Variants in PAN3 observed in about 807,000 individuals in gnomAD.
PAN3 encodes poly(A) specific ribonuclease subunit PAN3, also known as PAN2-PAN3 deadenylation complex subunit PAN3.
A neutral mutation model predicts 96.2 loss-of-function variants in PAN3; 19 were observed. That is an observed-to-expected ratio of 0.20 (90% CI 0.14 to 0.29). The LOEUF (loss-of-function observed/expected upper bound fraction) is 0.29, where lower values mean the gene tolerates loss of function less well. Among genes scored for constraint, PAN3 ranks in the 10% least tolerant of loss-of-function variants. The probability of loss-of-function intolerance (pLI) is 1.00; values close to 1 mark genes in which losing one functional copy is unlikely to be tolerated. For synonymous variants in PAN3, 433 were observed against 406.6 expected, an observed-to-expected ratio of 1.06 and a Z score of -0.78; for missense variants, 882 against 1,108.1, an observed-to-expected ratio of 0.80 and a Z score of 2.90.
rs537580071 is a variant in PAN3 at position 28,292,749 on chromosome 13, A to T, written c.*227A>T. On this transcript the variant is annotated 3_prime_UTR_variant, in exon 19 of 19. Transcript: ENST00000380958. ...CTGTTATCTGTGAAGAATTTATTTTAGATTTAGGAGCACCATCAGGTGAAT... is the reference window on the plus strand; with the variant it reads ...CTGTTATCTGTGAAGAATTTATTTTTGATTTAGGAGCACCATCAGGTGAAT... 48 of 348,448 alleles carry T rather than the reference A, an allele frequency of 1.4e-4. No individual in the cohort carries two copies. The highest frequency in any genetic ancestry group is 7.8e-4 in the Middle Eastern group (1 of 1,290). 21.6% of individuals were successfully genotyped at this position (348,448 alleles called of 1,614,324 possible).
intron 5 of PAN3, among the ~76,000 whole-genome samples, chr13:28,206,023 T>C (rs1484866155): frequency 6.6e-6 from 1 of 152,134 alleles, no homozygotes; most frequent in Non-Finnish European, 1.5e-5. Flanking sequence ...CCTTCATGTG[T>C]CTCTTCAATA....
chr13:28,144,372 G>T (rs868261425), intron 1 of PAN3, among the ~76,000 whole-genome samples: 6 of 151,786 alleles, frequency 4.0e-5, no homozygotes, highest in South Asian at 2.1e-4. Context: ...CCGCCACCAC[G>T]CCCAGATAAT....
intron 14 of PAN3, among the ~76,000 whole-genome samples, chr13:28,272,616 C>T (rs951118034): frequency 6.6e-6 from 1 of 150,634 alleles, no homozygotes; most frequent in Non-Finnish European, 1.5e-5. Flanking sequence ...GTTGCCCAGA[C>T]TGGAGTGCAA....
intron 1 of PAN3, among the ~76,000 whole-genome samples, chr13:28,170,615 G>A (rs998997402): frequency 2.6e-5 from 4 of 152,084 alleles, no homozygotes; most frequent in African/African-American, 9.7e-5. Flanking sequence ...CTCTAGAATT[G>A]TACTCTATTT....
chr13:28,191,469 T>C (rs1877249231), intron 4 of PAN3, among the ~76,000 whole-genome samples: 1 of 152,188 alleles, frequency 6.6e-6, no homozygotes, highest in Non-Finnish European at 1.5e-5. Flanking sequence ...GGGTACTTGG[T>C]GCTTAGTGGT....
intron 1 of PAN3, among the ~76,000 whole-genome samples, chr13:28,153,105 TAGTA>T (rs1244741835): frequency 3.9e-5 from 6 of 152,162 alleles, no homozygotes; most frequent in East Asian, 1.9e-4. Flanking sequence ...AAATTCCCGT[TAGTA>T]AGGGTGTTAT....
intron 6 of PAN3, among the ~76,000 whole-genome samples, chr13:28,255,076 A>G (rs755440094): frequency 6.6e-6 from 1 of 152,188 alleles, no homozygotes; most frequent in African/African-American, 2.4e-5. Flanking sequence ...TTGGTATCTT[A>G]TGAATTATTA....
chr13:28,138,841 G>A lies in PAN3; in HGVS notation c.184G>A (p.Glu62Lys). The A allele has an allele frequency of 1.4e-6, 2 of 1,424,150 alleles. No homozygotes were observed. Among genetic ancestry groups the A allele is most frequent in the Non-Finnish European group, 9.1e-7 (1 of 1,093,826 alleles). 88.2% of individuals were successfully genotyped at this position (1,424,150 alleles called of 1,614,324 possible). The change falls in exon 1 of 19, where the codon GAG (glutamate) becomes AAG (lysine). Residue 62 changes from glutamate (E) to lysine (K), a missense_variant. By Grantham distance (56) the Glu-to-Lys change is moderately conservative (BLOSUM62 1). This residue lies in a region of PAN3 where 442 missense variants were observed against 422.8 expected (regional missense o/e 1.05). Coordinates refer to ENST00000380958, the MANE Select transcript of PAN3 (RefSeq NM_175854.8). ...YAKDKTCFYG[E>K]ECQFLHEDPA... ...TAAGGATAAGACTTGCTTCTACGGG[G>A]AGGAGTGTCAGTTCCTGCATGAGGA...
At position 28,256,284 on chromosome 13, in the gene PAN3, T is replaced by A; in HGVS notation, c.1001-8T>A. 3 of 1,607,352 alleles carry A rather than the reference T, an allele frequency of 1.9e-6. No individual in the cohort carries two copies. The highest frequency in any genetic ancestry group is 2.5e-6 in the Non-Finnish European group (3 of 1,176,554). On this transcript the variant is annotated splice_polypyrimidine_tract_variant and splice_region_variant and intron_variant, in intron 6 of 18. Transcript: ENST00000380958. Reference sequence around the variant, plus strand: ...CTCCATTAAGAAACATTTTTACATCTTCTTCAGGAATGTCGTTGTCTGCTG... The same window carrying A: ...CTCCATTAAGAAACATTTTTACATCATCTTCAGGAATGTCGTTGTCTGCTG...
At chr13:28,141,657 G>A (rs1869859176) in intron 1 of PAN3, among the ~76,000 whole-genome samples, 2 of 151,704 alleles carry the variant, frequency 1.3e-5, no homozygotes, top group Admixed American at 1.3e-4. Context: ...AGTAGACACG[G>A]GGTTTCTCCA....
rs1340518207 is a variant in PAN3, at chr13:28,275,772, G to A, written c.2050-1465G>A. ...GCCAGCTTCCCTCCTGCCATTCTGG[G>A]CTCCTGACTCTATCACCAGTGAAGT... On this transcript the variant is annotated intron_variant, in intron 14 of 18. Coordinates refer to ENST00000380958, the MANE Select transcript of PAN3 (RefSeq NM_175854.8). Among the ~76,000 whole-genome samples, 6 of 152,164 alleles carry A rather than the reference G, an allele frequency of 3.9e-5. No homozygotes were observed. The East Asian group carries it at 1.2e-3, about 29-fold the overall frequency.
At chr13:28,234,163 C>A (rs537498423) in intron 6 of PAN3, among the ~76,000 whole-genome samples, 30 of 152,222 alleles carry the variant, frequency 2.0e-4, no homozygotes, top group African/African-American at 7.0e-4. Context: ...GAACAGGCTT[C>A]CCCCTTCCTC....
Position 28,138,869 on chromosome 13 carries a change from C to A in PAN3, c.212C>A (p.Pro71His). The A allele has an allele frequency of 7.0e-7, 1 of 1,423,750 alleles. No homozygotes were observed. Among genetic ancestry groups the A allele is most frequent in the Non-Finnish European group, 9.1e-7 (1 of 1,093,078 alleles). 88.2% of individuals were successfully genotyped at this position (1,423,750 alleles called of 1,614,324 possible). Residue 71 changes from proline to histidine, a missense_variant, in exon 1 of 19, where the codon CCT becomes CAT. Around this residue, in one of 3 missense-constraint regions of PAN3, gnomAD observed 442 missense variants for 422.8 expected, o/e 1.05. Transcript: ENST00000380958. Reference sequence around the variant, plus strand: ...GAGTGTCAGTTCCTGCATGAGGACCCTGCCGCCGGGGCTGCCCCGGGCCTC... The same window carrying A: ...GAGTGTCAGTTCCTGCATGAGGACCATGCCGCCGGGGCTGCCCCGGGCCTC... The part of the protein sequence containing the change: ...GEECQFLHED[P>H]AAGAAPGLGL...
intron 5 of PAN3, among the ~76,000 whole-genome samples, chr13:28,202,644 A>AAT (rs1176271916): frequency 6.6e-6 from 1 of 150,818 alleles, no homozygotes; most frequent in Non-Finnish European, 1.5e-5. Context: ...GGCAGGATAG[A>AAT]ATATATATAT....
At chr13:28,280,073 A>G (rs188634101) in intron 15 of PAN3, among the ~76,000 whole-genome samples, 1 of 152,230 alleles carries the variant, frequency 6.6e-6, no homozygotes, top group Admixed American at 6.5e-5. Context: ...AGTGTGAACC[A>G]CTGCACCTGG....
intron 6 of PAN3, among the ~76,000 whole-genome samples, chr13:28,235,924 G>A (rs1195035177): frequency 6.6e-6 from 1 of 150,888 alleles, no homozygotes; most frequent in African/African-American, 2.4e-5. Context: ...GGTTGCTACA[G>A]GCTGGTGAAA....
At chr13:28,139,766 C>T (rs1431091886) in intron 1 of PAN3, among the ~76,000 whole-genome samples, 2 of 152,038 alleles carry the variant, frequency 1.3e-5, no homozygotes, top group Non-Finnish European at 2.9e-5. Flanking sequence ...CTGAGTTTCC[C>T]TGAAAGCTAG....
intron 9 of PAN3, among the ~76,000 whole-genome samples, chr13:28,261,832 CAAAAAAAAAAA>C (rs10636889): frequency 8.9e-6 from 1 of 112,716 alleles, no homozygotes; most frequent in African/African-American, 3.7e-5. Flanking sequence ...GACCCTGTCT[CAAAAAAAAAAA>C]AAAAAAAAGG....
In PAN3 at chr13:28,177,770, A is replaced by G. The variant is rs45494994; in HGVS notation, c.620-95A>G. ...AGGTACTAAGTTTAATTATTGTGTC[A>G]TTTGATTTTTATAGGCATTGTCAAA... On this transcript the variant is annotated intron_variant, in intron 3 of 18. Transcript: ENST00000380958. 2.4e-3 allele frequency: 2,335 copies of G among 969,494 alleles called. 30 individuals carry two copies. In the African/African-American group the frequency reaches 0.034, roughly 14 times the overall value. 60.1% of individuals were successfully genotyped at this position (969,494 alleles called of 1,614,324 possible).
Sources: allele counts gnomAD v4.1 joint callset (sites outside exome capture counted in the v4.1 genomes callset), GRCh38; gene constraint gnomAD v4.1.1; regional missense constraint gnomAD v4.1.1; transcripts MANE v1.5; gene names NCBI Gene and HGNC (gene_info 2026-07-23, HGNC 2026-07-21).